SKAP2: variants seen among roughly 807,000 people sequenced by gnomAD.
SKAP2 encodes the protein src kinase-associated phosphoprotein 2.
A neutral mutation model predicts 54.9 loss-of-function variants in SKAP2; 28 were observed. The ratio of observed to expected loss-of-function variants is 0.51; its 90% CI spans 0.38 to 0.70. SKAP2 has a LOEUF of 0.70. Ranked by LOEUF, SKAP2 falls within the 30% of genes least tolerant of loss-of-function variation. The probability of loss-of-function intolerance (pLI) is 0.00; values close to 1 mark genes in which losing one functional copy is unlikely to be tolerated. For synonymous variants in SKAP2, 137 were observed against 134.3 expected, an observed-to-expected ratio of 1.02 and a Z score of -0.14; for missense variants, 356 against 424.1, an observed-to-expected ratio of 0.84 and a Z score of 1.41.
chr7:26,799,944 C>T (rs894530739), intron 4 of SKAP2, among the ~76,000 whole-genome samples: 1 of 151,568 alleles, frequency 6.6e-6, no homozygotes, highest in Admixed American at 6.6e-5. Flanking sequence ...CGGTGAAACC[C>T]TGTCTCTACT....
chr7:26,854,229 T>C (rs1011414396), intron 2 of SKAP2, 67 bp from the exon 3 acceptor site: 7 of 1,026,310 alleles, frequency 6.8e-6, no homozygotes, highest in South Asian at 5.1e-5. Context: ...TCAGTAACAA[T>C]AATTAAAATC....
chr7:26,772,336 G>T (rs141336544), intron 4 of SKAP2, among the ~76,000 whole-genome samples: 1 of 152,130 alleles, frequency 6.6e-6, no homozygotes, highest in African/African-American at 2.4e-5. Context: ...CCCACGTAGT[G>T]AGCATAGTAC....
chr7:26,839,321 A>G (rs1456662530), intron 4 of SKAP2, among the ~76,000 whole-genome samples: 2 of 152,076 alleles, frequency 1.3e-5, no homozygotes, highest in South Asian at 2.1e-4. Flanking sequence ...CTTCTCTTCC[A>G]CCAAAATACT....
chr7:26,731,508 C>G (rs1325848325), intron 6 of SKAP2, among the ~76,000 whole-genome samples: 2 of 152,104 alleles, frequency 1.3e-5, no homozygotes, highest in Non-Finnish European at 2.9e-5. Flanking sequence ...CATCTAATTC[C>G]AAGAATTAAA....
chr7:26,706,986 T>C (rs1351277036), intron 9 of SKAP2, among the ~76,000 whole-genome samples: 2 of 152,220 alleles, frequency 1.3e-5, no homozygotes, highest in Non-Finnish European at 2.9e-5. Flanking sequence ...AAGCAGCTAA[T>C]TGGGATAATT....
At chr7:26,822,404 A>G (rs1428501939) in intron 4 of SKAP2, among the ~76,000 whole-genome samples, 2 of 152,130 alleles carry the variant, frequency 1.3e-5, no homozygotes, top group African/African-American at 4.8e-5. Flanking sequence ...GTGATCTTTG[A>G]TGTTGCCATC....
intron 9 of SKAP2, among the ~76,000 whole-genome samples, chr7:26,710,386 T>TTTAGAGAAGC (rs1562583099): frequency 6.6e-6 from 1 of 152,140 alleles, no homozygotes; most frequent in Admixed American, 6.6e-5. Context: ...GTTAGAAAAG[T>TTTAGAGAAGC]TTAGAGAAGC....
intron 9 of SKAP2, among the ~76,000 whole-genome samples, chr7:26,694,844 T>A (rs1302473368): frequency 6.6e-6 from 1 of 152,180 alleles, no homozygotes. Context: ...CTATTTAATT[T>A]ACAAAATTGA....
At chr7:26,675,383 AT>A (rs1321059487) in intron 11 of SKAP2, among the ~76,000 whole-genome samples, 1 of 152,186 alleles carries the variant, frequency 6.6e-6, no homozygotes, top group Admixed American at 6.5e-5. Context: ...CTCAGCTGTC[AT>A]GATTTTTTCT....
At chr7:26,763,912 C>A (rs1782986985) in intron 4 of SKAP2, among the ~76,000 whole-genome samples, 1 of 152,070 alleles carries the variant, frequency 6.6e-6, no homozygotes, top group African/African-American at 2.4e-5. Context: ...GGAAAAGGCA[C>A]AGTAAAAATA....
At chr7:26,782,214 T>A (rs1456615701) in intron 4 of SKAP2, among the ~76,000 whole-genome samples, 1 of 152,188 alleles carries the variant, frequency 6.6e-6, no homozygotes, top group Non-Finnish European at 1.5e-5. Context: ...AAAATTCTTG[T>A]TGCCACTGAA....
chr7:26,813,368 C>A (rs868708464), intron 4 of SKAP2, among the ~76,000 whole-genome samples: 1 of 151,930 alleles, frequency 6.6e-6, no homozygotes, highest in African/African-American at 2.4e-5. Flanking sequence ...TATACTTTTT[C>A]AAAAAATGGC....
At chr7:26,773,628 G>A (rs900211078) in intron 4 of SKAP2, among the ~76,000 whole-genome samples, 4 of 151,946 alleles carry the variant, frequency 2.6e-5, no homozygotes, top group African/African-American at 9.7e-5. Context: ...ATTTTCACAC[G>A]GTCTCCATCT....
chr7:26,782,131 C>T (rs1309588408), intron 4 of SKAP2, among the ~76,000 whole-genome samples: 2 of 152,110 alleles, frequency 1.3e-5, no homozygotes, highest in Non-Finnish European at 2.9e-5. Flanking sequence ...TGGCATATAG[C>T]AGGAGTCTGA....
At chr7:26,821,734 A>G (rs3801820) in intron 4 of SKAP2, among the ~76,000 whole-genome samples, 32,307 of 152,018 alleles carry the variant, frequency 0.21, 3,518 homozygotes, top group Non-Finnish European at 0.24. Flanking sequence ...GAATCTAAGT[A>G]TCAAGATTCA....
At chr7:26,721,561 TA>T (rs1006744722) in intron 9 of SKAP2, among the ~76,000 whole-genome samples, 5 of 151,990 alleles carry the variant, frequency 3.3e-5, no homozygotes, top group African/African-American at 1.2e-4. Flanking sequence ...AATTCACACT[TA>T]AAAAAAATAG....
At chr7:26,678,389 G>A (rs975579955) in intron 11 of SKAP2, among the ~76,000 whole-genome samples, 2 of 151,616 alleles carry the variant, frequency 1.3e-5, no homozygotes, top group African/African-American at 4.8e-5. Flanking sequence ...TTCTCCCAAA[G>A]AGAACAAGTA....
At chr7:26,785,843 T>C (rs561658785) in intron 4 of SKAP2, among the ~76,000 whole-genome samples, 5 of 152,264 alleles carry the variant, frequency 3.3e-5, no homozygotes, top group African/African-American at 7.2e-5. Flanking sequence ...CCCATGCCTA[T>C]AGACATACAC....
At chr7:26,761,677 C>T (rs1389699098) in intron 4 of SKAP2, among the ~76,000 whole-genome samples, 3 of 152,092 alleles carry the variant, frequency 2.0e-5, no homozygotes, top group African/African-American at 7.2e-5. Flanking sequence ...GGTGGTCGGA[C>T]TGCCTGAGCT....
Sources: allele counts gnomAD v4.1 joint callset (sites outside exome capture counted in the v4.1 genomes callset), GRCh38; gene constraint gnomAD v4.1.1; transcripts MANE v1.5; gene names NCBI Gene and HGNC (gene_info 2026-07-23, HGNC 2026-07-21).